TAOK3: variants seen among roughly 807,000 people sequenced by gnomAD.
TAOK3 encodes serine/threonine-protein kinase TAO3.
TAOK3 carries 40 observed loss-of-function variants against 120.4 expected under a neutral mutation model. The observed-to-expected ratio is 0.33, with a 90% CI of 0.26 to 0.43. The LOEUF (loss-of-function observed/expected upper bound fraction) is 0.43. TAOK3 is among the 20% of genes least tolerant of loss of function. The pLI is 1.00. For missense variants in TAOK3, 821 were observed against 1,112.1 expected, an observed-to-expected ratio of 0.74 and a Z score of 3.72; for synonymous variants, 355 against 387.5, an observed-to-expected ratio of 0.92 and a Z score of 0.99.
intron 2 of TAOK3, among the ~76,000 whole-genome samples, chr12:118,265,841 T>C (rs977733703): frequency 1.3e-5 from 2 of 152,218 alleles, no homozygotes; most frequent in South Asian, 2.1e-4. Context: ...ATCTGTAAGT[T>C]TGGGTTTCTT....
intron 19 of TAOK3, among the ~76,000 whole-genome samples, chr12:118,159,024 G>T (rs143480150): frequency 5.1e-4 from 78 of 152,160 alleles, no homozygotes; most frequent in South Asian, 1.0e-3. Flanking sequence ...AAGCTTCACC[G>T]AATTACCAGG....
intron 19 of TAOK3, chr12:118,159,851 C>G (rs795475): frequency 0.67 from 261,782 of 393,568 alleles, 87,923 homozygotes; most frequent in South Asian, 0.71. Flanking sequence ...TAAAATCTTT[C>G]ATAAATGAAC....
chr12:118,258,476 G>C (rs1202455911), intron 2 of TAOK3, among the ~76,000 whole-genome samples: 1 of 152,158 alleles, frequency 6.6e-6, no homozygotes, highest in East Asian at 1.9e-4. Context: ...TACTTTGGGA[G>C]GCCAAGGCAG....
At chr12:118,229,461 G>A (rs1277672247) in intron 9 of TAOK3, among the ~76,000 whole-genome samples, 1 of 151,974 alleles carries the variant, frequency 6.6e-6, no homozygotes, top group Non-Finnish European at 1.5e-5. Flanking sequence ...CCAATACTTT[G>A]TTGGTTAAAT....
chr12:118,309,306 G>C (rs1357034313), intron 1 of TAOK3, among the ~76,000 whole-genome samples: 1 of 141,406 alleles, frequency 7.1e-6, no homozygotes, highest in African/African-American at 2.7e-5. Flanking sequence ...TGCAGCCTGG[G>C]CAACAGAGTG....
chr12:118,297,565 A>G lies in TAOK3; in HGVS notation c.-193-30806T>C, dbSNP rs189595311. 2.0e-4 allele frequency among the ~76,000 whole-genome samples: 30 copies of G among 152,300 alleles called. No homozygotes were observed. The East Asian group carries it at 4.2e-3, about 22-fold the overall frequency. On this transcript the variant is annotated intron_variant, in intron 1 of 20. Coordinates refer to ENST00000392533, the MANE Select transcript of TAOK3 (RefSeq NM_016281.4). ...TAGTGACCAGCACCAGACTGTTTTCATCATAGCACCTGAAATTATCTGAAA... is the reference window on the plus strand; with the variant it reads ...TAGTGACCAGCACCAGACTGTTTTCGTCATAGCACCTGAAATTATCTGAAA...
intron 3 of TAOK3, among the ~76,000 whole-genome samples, chr12:118,252,910 TA>T (rs1186793055): frequency 6.6e-6 from 1 of 152,082 alleles, no homozygotes; most frequent in African/African-American, 2.4e-5. Context: ...TATTTTTCAG[TA>T]GAGACGGGGT....
At chr12:118,346,932 T>G (rs1209758912) in intron 1 of TAOK3, among the ~76,000 whole-genome samples, 1 of 152,182 alleles carries the variant, frequency 6.6e-6, no homozygotes, top group East Asian at 1.9e-4. Context: ...TAAAAATTTC[T>G]CTGTATATGC....
intron 1 of TAOK3, among the ~76,000 whole-genome samples, chr12:118,283,283 A>T (rs1185878108): frequency 6.6e-6 from 1 of 152,222 alleles, no homozygotes; most frequent in African/African-American, 2.4e-5. Flanking sequence ...ATATGTGTTC[A>T]CCAGAAACTC....
chr12:118,201,061 C>T, intron 12 of TAOK3: 1 of 357,622 alleles, frequency 2.8e-6, no homozygotes, highest in Middle Eastern at 7.9e-4. Flanking sequence ...CACCAGCAGA[C>T]TTATTTTCTC....
At chr12:118,209,117 C>T (rs780941432) in intron 11 of TAOK3, among the ~76,000 whole-genome samples, 3 of 152,020 alleles carry the variant, frequency 2.0e-5, no homozygotes, top group Admixed American at 6.6e-5. Context: ...ATCCTAAATG[C>T]GTTGGTTAAA....
chr12:118,217,864 CTT>C (rs535188319), intron 9 of TAOK3, among the ~76,000 whole-genome samples: 39 of 40,712 alleles, frequency 9.6e-4, no homozygotes, highest in African/African-American at 2.6e-3. Flanking sequence ...TATATATACA[CTT>C]TTTTTTTTTT....
At chr12:118,332,598 T>G (rs568095996) in intron 1 of TAOK3, among the ~76,000 whole-genome samples, 1 of 152,244 alleles carries the variant, frequency 6.6e-6, no homozygotes, top group Non-Finnish European at 1.5e-5. Context: ...TTTTGCTGCA[T>G]TCTTTCCTTA....
chr12:118,202,549 A>G lies in TAOK3; in HGVS notation c.820-1086T>C, dbSNP rs551212010. ...TTATTATCGCTTATCTTTTTTGATA[A>G]TAGCCATTCTAACAGGTGTGAGGTG... On this transcript the variant is annotated intron_variant, in intron 11 of 20. Transcript: ENST00000392533. 2.6e-5 allele frequency among the ~76,000 whole-genome samples: 4 copies of G among 152,196 alleles called. No homozygotes were observed. In the East Asian group the frequency reaches 7.7e-4, roughly 29 times the overall value.
chr12:118,344,666 C>G (rs886199048), intron 1 of TAOK3, among the ~76,000 whole-genome samples: 11 of 151,848 alleles, frequency 7.2e-5, no homozygotes, highest in Admixed American at 5.9e-4. Context: ...AAAAATTTTG[C>G]AGAAGTAAAA....
intron 1 of TAOK3, among the ~76,000 whole-genome samples, chr12:118,357,561 T>C (rs1317652906): frequency 3.3e-5 from 5 of 152,240 alleles, no homozygotes; most frequent in Non-Finnish European, 4.4e-5. Flanking sequence ...CAGTTATAAG[T>C]GGTTAAATAA....
intron 17 of TAOK3, among the ~76,000 whole-genome samples, chr12:118,166,439 G>A (rs980816029): frequency 6.6e-6 from 1 of 151,964 alleles, no homozygotes; most frequent in African/African-American, 2.4e-5. Flanking sequence ...TTGGGAGGCT[G>A]AGGCAGGAGA....
chr12:118,254,009 C>G lies in TAOK3; in HGVS notation c.120+1439G>C, dbSNP rs185354309. Among the ~76,000 whole-genome samples, 20 of 150,660 alleles carry G rather than the reference C, an allele frequency of 1.3e-4. No homozygotes were observed. In the East Asian group the frequency reaches 2.2e-3, roughly 16 times the overall value. On this transcript the variant is annotated intron_variant, in intron 3 of 20. Coordinates refer to ENST00000392533, the MANE Select transcript of TAOK3 (RefSeq NM_016281.4). ...GGCGGAGGTTGCAGTGAGCCAAGAT[C>G]GTGCCACTGTACTCCAGCCTGGGCT...
At chr12:118,353,857 G>A (rs1049797024) in intron 1 of TAOK3, among the ~76,000 whole-genome samples, 3 of 152,130 alleles carry the variant, frequency 2.0e-5, no homozygotes, top group Non-Finnish European at 2.9e-5. Flanking sequence ...TATTCACAAC[G>A]GCTAAACATT....
Sources: gnomAD v4.1 joint callset for allele counts (sites outside exome capture counted in the v4.1 genomes callset) on GRCh38, gnomAD v4.1.1 for gene constraint, MANE v1.5 for transcripts, NCBI Gene and HGNC (gene_info 2026-07-23, HGNC 2026-07-21) for gene names.